Variants in ATP2B1 observed in about 807,000 individuals in gnomAD.
The protein encoded by ATP2B1 is ATPase plasma membrane Ca2+ transporting 1.
ATP2B1 carries 14 observed loss-of-function variants against 124.2 expected under a neutral mutation model. The ratio of observed to expected loss-of-function variants is 0.11; its 90% CI spans 0.07 to 0.18. The LOEUF (loss-of-function observed/expected upper bound fraction) is 0.18, where lower values mean the gene tolerates loss of function less well. ATP2B1 is among the 10% of genes least tolerant of loss of function. ATP2B1 has a pLI of 1.00. For synonymous variants in ATP2B1, 449 were observed against 492.4 expected, an observed-to-expected ratio of 0.91 and a Z score of 1.17; for missense variants, 763 against 1,466.1, an observed-to-expected ratio of 0.52 and a Z score of 7.83.
intron 6 of ATP2B1, among the ~76,000 whole-genome samples, chr12:89,628,307 C>T (rs996718482): frequency 8.2e-5 from 12 of 146,752 alleles, no homozygotes; most frequent in African/African-American, 2.3e-4. Context: ...GAGGTTGAGG[C>T]GGGAGAGTTG....
chr12:89,618,245 C>A (rs541729048), intron 11 of ATP2B1, among the ~76,000 whole-genome samples: 24 of 152,264 alleles, frequency 1.6e-4, no homozygotes, highest in African/African-American at 5.1e-4. Context: ...TAAAAAGTCT[C>A]CACAACAAAA....
chr12:89,696,104 C>T (rs10777190), intron 1 of ATP2B1, among the ~76,000 whole-genome samples: 140,649 of 152,292 alleles, frequency 0.92, 65,131 homozygotes, highest in East Asian at 0.99. Flanking sequence ...TGCTCCCAAA[C>T]TGAACATGTC....
At chr12:89,602,913 A>C in intron 18 of ATP2B1, 130 bp downstream of exon 18, 2 of 760,410 alleles carry the variant, frequency 2.6e-6, no homozygotes, top group Non-Finnish European at 4.2e-6. Context: ...TTAAATCACC[A>C]TGATATTATA....
chr12:89,636,236 G>T (rs1385020930), intron 3 of ATP2B1, among the ~76,000 whole-genome samples: 2 of 152,022 alleles, frequency 1.3e-5, no homozygotes, highest in African/African-American at 4.8e-5. Context: ...GGGGAGGGGG[G>T]AGAGAATGAG....
chr12:89,670,933 C>A, intron 1 of ATP2B1, among the ~76,000 whole-genome samples: 2 of 120,210 alleles, frequency 1.7e-5, no homozygotes, highest in Non-Finnish European at 1.6e-5. Context: ...AGAAGTATAA[C>A]AGTTCAGGCC....
chr12:89,691,241 AC>A (rs1156788113), intron 1 of ATP2B1, among the ~76,000 whole-genome samples: 1 of 152,148 alleles, frequency 6.6e-6, no homozygotes, highest in Non-Finnish European at 1.5e-5. Context: ...ACCAACTGTT[AC>A]ATGCAACATG....
chr12:89,628,087 G>A (rs1366849963), intron 6 of ATP2B1, among the ~76,000 whole-genome samples: 1 of 152,090 alleles, frequency 6.6e-6, no homozygotes, highest in Non-Finnish European at 1.5e-5. Context: ...GGTAGAGAGG[G>A]AGGAGGAAGG....
chr12:89,659,879 C>T (rs1399961843), intron 1 of ATP2B1, among the ~76,000 whole-genome samples: 2 of 144,726 alleles, frequency 1.4e-5, no homozygotes, highest in Non-Finnish European at 1.5e-5. Flanking sequence ...GCGGAGATCG[C>T]GCCACTGCAC....
At chr12:89,663,546 A>G (rs1017767906) in intron 1 of ATP2B1, among the ~76,000 whole-genome samples, 9 of 152,160 alleles carry the variant, frequency 5.9e-5, no homozygotes, top group Non-Finnish European at 1.3e-4. Context: ...AATGAATACA[A>G]TCTTACCCAG....
At chr12:89,634,660 G>A in intron 5 of ATP2B1, 118 bp downstream of exon 5, 2 of 1,117,454 alleles carry the variant, frequency 1.8e-6, no homozygotes, top group South Asian at 1.9e-5. Flanking sequence ...ACAGTAGAAG[G>A]TAGCATAAAA....
intron 3 of ATP2B1, among the ~76,000 whole-genome samples, chr12:89,637,345 T>C (rs908310109): frequency 6.6e-6 from 1 of 152,196 alleles, no homozygotes; most frequent in South Asian, 2.1e-4. Context: ...CTTCTGAAAT[T>C]AAACTTAGAC....
intron 3 of ATP2B1, among the ~76,000 whole-genome samples, chr12:89,639,713 T>C (rs1030175030): frequency 9.9e-5 from 15 of 152,120 alleles, no homozygotes; most frequent in African/African-American, 3.6e-4. Flanking sequence ...CCGACAGCTC[T>C]AGATTATCTT....
At chr12:89,671,771 G>GT (rs34218036) in intron 1 of ATP2B1, among the ~76,000 whole-genome samples, 26,362 of 139,864 alleles carry the variant, frequency 0.19, 2,929 homozygotes, top group East Asian at 0.45. Flanking sequence ...TCCCAAGGCA[G>GT]TTTTTTTTTT....
intron 1 of ATP2B1, among the ~76,000 whole-genome samples, chr12:89,701,892 C>T (rs1891896109): frequency 1.3e-5 from 2 of 152,140 alleles, no homozygotes. Flanking sequence ...TACACATTCA[C>T]AACAAAAGGA....
chr12:89,694,117 A>G (rs764162433), intron 1 of ATP2B1, among the ~76,000 whole-genome samples: 59 of 152,342 alleles, frequency 3.9e-4, no homozygotes, highest in South Asian at 1.4e-3. Context: ...TTTTATACCC[A>G]TAACTATTCT....
chr12:89,652,634 A>T (rs1885405229), intron 2 of ATP2B1, among the ~76,000 whole-genome samples: 1 of 152,226 alleles, frequency 6.6e-6, no homozygotes, highest in Non-Finnish European at 1.5e-5. Flanking sequence ...TACCATTTGT[A>T]TGCTTGATCA....
chr12:89,680,273 T>G (rs968598287), intron 1 of ATP2B1, among the ~76,000 whole-genome samples: 1 of 151,996 alleles, frequency 6.6e-6, no homozygotes, highest in African/African-American at 2.4e-5. Context: ...AAGCAATACT[T>G]CAAATTAAAT....
intron 1 of ATP2B1, among the ~76,000 whole-genome samples, chr12:89,678,011 CACACACAT>C (rs1350191503): frequency 2.9e-5 from 4 of 136,210 alleles, no homozygotes; most frequent in African/African-American, 8.1e-5. Context: ...CACACACACA[CACACACAT>C]ATACAGAATG....
intron 5 of ATP2B1, among the ~76,000 whole-genome samples, chr12:89,634,238 CCTA>C (rs1882339723): frequency 6.6e-6 from 1 of 152,074 alleles, no homozygotes; most frequent in Admixed American, 6.6e-5. Flanking sequence ...GACTGCTAGA[CCTA>C]CTCTTGGTTA....
Sources: allele counts gnomAD v4.1 joint callset (sites outside exome capture counted in the v4.1 genomes callset), GRCh38; gene constraint gnomAD v4.1.1; transcripts MANE v1.5; gene names NCBI Gene and HGNC (gene_info 2026-07-23, HGNC 2026-07-21).